The following RFC1 variants were observed in gnomAD, a reference collection of about 807,000 sequenced individuals.
RFC1 encodes replication factor C subunit 1.
A neutral mutation model predicts 137.4 loss-of-function variants in RFC1; 37 were observed. That is an observed-to-expected ratio of 0.27 (90% CI 0.21 to 0.35). The LOEUF (loss-of-function observed/expected upper bound fraction) is 0.35, where lower values mean the gene tolerates loss of function less well. Ranked by LOEUF, RFC1 falls within the 10% of genes least tolerant of loss-of-function variation. The pLI is 1.00. For synonymous variants in RFC1, 429 were observed against 455.7 expected (o/e 0.94, Z 0.75); for missense variants, 1,205 against 1,358.5 (o/e 0.89, Z 1.78).
intron 1 of RFC1, among the ~76,000 whole-genome samples, chr4:39,360,661 G>A (rs889640589): frequency 1.1e-4 from 17 of 152,216 alleles, no homozygotes; most frequent in African/African-American, 3.9e-4. Flanking sequence ...CTTGAACCTG[G>A]GAAGCGGAGG....
chr4:39,318,144 G>A (rs17335027), intron 9 of RFC1: 63,703 of 142,114 alleles, frequency 0.45, 16,024 homozygotes, highest in East Asian at 0.64. Flanking sequence ...GTGACAGAGC[G>A]AGACTCCGTC....
At chr4:39,330,027 C>T (rs1237434701) in intron 4 of RFC1, among the ~76,000 whole-genome samples, 1 of 151,850 alleles carries the variant, frequency 6.6e-6, no homozygotes, top group Non-Finnish European at 1.5e-5. Flanking sequence ...GAGTGAGACT[C>T]CCTCTCAAAA....
At chr4:39,343,444 T>C (rs137977366) in intron 3 of RFC1, among the ~76,000 whole-genome samples, 148 of 152,356 alleles carry the variant, frequency 9.7e-4, no homozygotes, top group Middle Eastern at 3.4e-3. Flanking sequence ...TGGATATCTT[T>C]TGGGGGCATT....
At chr4:39,352,967 T>C (rs920997066) in intron 1 of RFC1, among the ~76,000 whole-genome samples, 1 of 152,110 alleles carries the variant, frequency 6.6e-6, no homozygotes, top group African/African-American at 2.4e-5. Flanking sequence ...TAGCAATTAT[T>C]TCCTAGATCC....
chr4:39,358,257 AG>A (rs1197067938), intron 1 of RFC1, among the ~76,000 whole-genome samples: 2 of 152,120 alleles, frequency 1.3e-5, no homozygotes, highest in African/African-American at 4.8e-5. Flanking sequence ...CCTGGCCAAG[AG>A]CAAAATTCCG....
chr4:39,288,536 A>G lies in RFC1; in HGVS notation c.*225T>C. 1 of 405,928 alleles carries G rather than the reference A, an allele frequency of 2.5e-6. No individual in the cohort carries two copies. Among genetic ancestry groups the G allele is most frequent in the Non-Finnish European group, 4.4e-6 (1 of 227,630 alleles). The allele number at this position is 405,928 out of a possible 1,614,324, so 25.1% of individuals were successfully genotyped here. A position where few individuals can be genotyped will look rare whatever the true frequency, so the allele number is the denominator to read the frequency against. On this transcript the variant is annotated 3_prime_UTR_variant, in exon 25 of 25. Coordinates refer to ENST00000349703, the MANE Select transcript of RFC1 (RefSeq NM_002913.5). ...GAAGCACGTCTAACTAGATTGACAG[A>G]GGACAGTGGAGGACCCAAGCAGTCC... is the stretch of plus-strand genomic sequence containing the variant.
intron 1 of RFC1, among the ~76,000 whole-genome samples, chr4:39,362,305 T>C (rs546121505): frequency 6.6e-6 from 1 of 152,278 alleles, no homozygotes; most frequent in East Asian, 1.9e-4. Context: ...GATTCTAAAA[T>C]TCATATAGAA....
chr4:39,348,135 A>C lies in RFC1; in HGVS notation c.133-2659T>G, dbSNP rs530679476. 5.9e-5 allele frequency among the ~76,000 whole-genome samples: 9 copies of C among 152,224 alleles called. No individual in the cohort carries two copies. In the East Asian group the frequency reaches 1.7e-3, roughly 29 times the overall value. Reference sequence around the variant, plus strand: ...CTGTCCGTATTTCAGAAAATGAAAAAGCAAGTTCTAGGCCAGGTGTGGTGG... The same window carrying C: ...CTGTCCGTATTTCAGAAAATGAAAACGCAAGTTCTAGGCCAGGTGTGGTGG... On this transcript the variant is annotated intron_variant, in intron 2 of 24. Coordinates refer to ENST00000349703, the MANE Select transcript of RFC1 (RefSeq NM_002913.5).
intron 1 of RFC1, among the ~76,000 whole-genome samples, chr4:39,365,191 C>T (rs1159277293): frequency 8.4e-6 from 1 of 119,186 alleles, no homozygotes; most frequent in Non-Finnish European, 1.8e-5. Flanking sequence ...GGAAAACCAA[C>T]AGTTCACATA....
At chr4:39,320,707 A>G in intron 8 of RFC1, 38 bp from the exon 9 acceptor site, 1 of 1,524,080 alleles carries the variant, frequency 6.6e-7, no homozygotes, top group Non-Finnish European at 8.8e-7. Context: ...TTGTTTTTGG[A>G]AAATGATAAT....
intron 22 of RFC1, among the ~76,000 whole-genome samples, chr4:39,293,140 T>C (rs1473948019): frequency 2.6e-5 from 4 of 152,176 alleles, no homozygotes; most frequent in African/African-American, 2.4e-5. Context: ...ACAAAGAGTT[T>C]TTAAAACTCT....
intron 19 of RFC1, among the ~76,000 whole-genome samples, chr4:39,301,169 A>G (rs1738340217): frequency 6.6e-6 from 1 of 152,194 alleles, no homozygotes. Flanking sequence ...ACGTGAAAAA[A>G]GCCAACTGGA....
intron 22 of RFC1, among the ~76,000 whole-genome samples, chr4:39,292,808 A>AT (rs34278038): frequency 0.066 from 9,588 of 145,198 alleles, 368 homozygotes; most frequent in Middle Eastern, 0.12. Context: ...CACCCGGCTA[A>AT]TTTTTTTTTT....
At chr4:39,353,106 A>G (rs1741288583) in intron 1 of RFC1, among the ~76,000 whole-genome samples, 1 of 152,186 alleles carries the variant, frequency 6.6e-6, no homozygotes, top group Admixed American at 6.5e-5. Flanking sequence ...AGCATGTTAA[A>G]TAATTTTTTT....
chr4:39,355,240 C>G (rs1373256719), intron 1 of RFC1, among the ~76,000 whole-genome samples: 2 of 150,624 alleles, frequency 1.3e-5, no homozygotes, highest in African/African-American at 4.9e-5. Context: ...CAGGGCAACA[C>G]AGGGAGACCC....
intron 4 of RFC1, among the ~76,000 whole-genome samples, chr4:39,334,968 T>C (rs1482655487): frequency 6.6e-6 from 1 of 152,114 alleles, no homozygotes; most frequent in Non-Finnish European, 1.5e-5. Context: ...GGGGTCCATA[T>C]AAAAATCTAT....
chr4:39,361,770 T>C (rs1435349072), intron 1 of RFC1, among the ~76,000 whole-genome samples: 14 of 152,014 alleles, frequency 9.2e-5, no homozygotes, highest in Admixed American at 9.2e-4. Context: ...CAGTTCCAGC[T>C]GGGCGCGGTG....
chr4:39,339,817 C>T (rs1397186884), intron 4 of RFC1, among the ~76,000 whole-genome samples: 5 of 152,072 alleles, frequency 3.3e-5, no homozygotes, highest in African/African-American at 1.2e-4. Context: ...TAGTAGTTCC[C>T]ATACGAGACC....
intron 11 of RFC1, 77 bp from the exon 12 acceptor site, chr4:39,311,626 C>A (rs2600442): frequency 9.4e-7 from 1 of 1,063,850 alleles, no homozygotes; most frequent in Non-Finnish European, 1.4e-6. Flanking sequence ...AAAAAAAATT[C>A]TAGGGCCTAT....
Sources: gnomAD v4.1 joint callset for allele counts (sites outside exome capture counted in the v4.1 genomes callset) on GRCh38, gnomAD v4.1.1 for gene constraint, MANE v1.5 for transcripts, NCBI Gene and HGNC (gene_info 2026-07-23, HGNC 2026-07-21) for gene names.